The following SPTBN1 variants were observed in gnomAD, a reference collection of about 807,000 sequenced individuals.
The protein encoded by SPTBN1 is spectrin beta chain, non-erythrocytic 1.
In SPTBN1, 32 loss-of-function variants were observed where a neutral mutation model predicts 266.4. That is an observed-to-expected ratio of 0.12 (90% CI 0.09 to 0.16). The LOEUF is 0.16. Among genes scored for constraint, SPTBN1 ranks in the 10% least tolerant of loss-of-function variants. SPTBN1 has a pLI of 1.00. For missense variants in SPTBN1, 2,296 were observed against 3,067.1 expected, an observed-to-expected ratio of 0.75 and a Z score of 5.94; for synonymous variants, 1,336 against 1,162.2, an observed-to-expected ratio of 1.15 and a Z score of -3.04.
intron 2 of SPTBN1, among the ~76,000 whole-genome samples, chr2:54,586,840 T>C (rs1039663591): frequency 2.0e-5 from 3 of 152,222 alleles, no homozygotes; most frequent in Non-Finnish European, 2.9e-5. Flanking sequence ...GTTGGCGACG[T>C]CAGCTTCTGT....
At chr2:54,562,533 C>CTT (rs1553447705) in intron 2 of SPTBN1, among the ~76,000 whole-genome samples, 1 of 126,828 alleles carries the variant, frequency 7.9e-6, no homozygotes, top group Non-Finnish European at 1.6e-5. Flanking sequence ...TTTTCTTTTT[C>CTT]TTTTTTTTTT....
chr2:54,503,039 C>T (rs932704989), intron 1 of SPTBN1, among the ~76,000 whole-genome samples: 1 of 152,194 alleles, frequency 6.6e-6, no homozygotes, highest in African/African-American at 2.4e-5. Flanking sequence ...ATAGTAATCA[C>T]ATTGGATTTT....
In SPTBN1 at chr2:54,558,901, C is replaced by A. The variant is rs749401660; in HGVS notation, c.148+32335C>A. 8 of 1,611,666 alleles carry A rather than the reference C, an allele frequency of 5.0e-6. No homozygotes were observed. The African/African-American group carries it at 1.1e-4, about 22-fold the overall frequency. ...AGCAGCTGCAAGGTAAGCCCCCTCCCAAAGGCCGGGCCTGTCCTGGGTGCC... is the reference window on the plus strand; with the variant it reads ...AGCAGCTGCAAGGTAAGCCCCCTCCAAAAGGCCGGGCCTGTCCTGGGTGCC... On this transcript the variant is annotated intron_variant, in intron 2 of 35. Transcript: ENST00000356805. This position sits in a 1 kb window ranked among gnomAD's most constrained non-coding sequence, Gnocchi z 4.6.
At chr2:54,585,366 G>T (rs1675221462) in intron 2 of SPTBN1, among the ~76,000 whole-genome samples, 1 of 152,184 alleles carries the variant, frequency 6.6e-6, no homozygotes, top group Admixed American at 6.5e-5. Flanking sequence ...TACCCTGCCT[G>T]TTGGCTAGTC....
At position 54,653,523 on chromosome 2, in the gene SPTBN1, G is replaced by A. The variant is rs909010854; in HGVS notation, c.5578-86G>A. Reference sequence around the variant, plus strand: ...ATTTTGACTCTGTGCTCCCTTTAGTGTATGAGCAGAACAGAATAGGGCTTG... The same window carrying A: ...ATTTTGACTCTGTGCTCCCTTTAGTATATGAGCAGAACAGAATAGGGCTTG... On this transcript the variant is annotated intron_variant, in intron 26 of 35. Transcript: ENST00000356805. The surrounding 1 kb of genome is among the most constrained non-coding windows in gnomAD (Gnocchi z 5.1). The A allele has an allele frequency of 1.9e-6, 3 of 1,545,770 alleles. No individual in the cohort carries two copies. Among genetic ancestry groups the A allele is most frequent in the Non-Finnish European group, 2.6e-6 (3 of 1,154,074 alleles).
chr2:54,516,461 A>G (rs1299337691), intron 1 of SPTBN1: 2 of 152,194 alleles, frequency 1.3e-5, no homozygotes, highest in African/African-American at 2.4e-5. Flanking sequence ...TGAAGATATT[A>G]TGATAAAAGC....
At position 54,583,994 on chromosome 2, in the gene SPTBN1, T is replaced by C. The variant is rs1675118410; in HGVS notation, c.149-15098T>C. On this transcript the variant is annotated intron_variant, in intron 2 of 35. Transcript: ENST00000356805. ...AAAACCAGCAGTGTATTCATAGAAA[T>C]ACAGAAGTGGAAATGCCTCCTGTCT... is the stretch of plus-strand genomic sequence containing the variant. Among the ~76,000 whole-genome samples the C allele has an allele frequency of 2.6e-5, 4 of 152,220 alleles. No homozygotes were observed. The South Asian group carries it at 8.3e-4, about 31-fold the overall frequency.
At chr2:54,595,529 C>G (rs1029700923) in intron 2 of SPTBN1, among the ~76,000 whole-genome samples, 2 of 152,280 alleles carry the variant, frequency 1.3e-5, no homozygotes, top group Non-Finnish European at 2.9e-5. Context: ...AAGTGCCCAC[C>G]TCACATCGCC....
In SPTBN1 at chr2:54,634,390, G is replaced by C. The variant is rs1226194500; in HGVS notation, c.3767+1622G>C. 3.3e-5 allele frequency among the ~76,000 whole-genome samples: 5 copies of C among 152,298 alleles called. 1 individual carries two copies. Among genetic ancestry groups the C allele is most frequent in the African/African-American group, 1.2e-4 (5 of 41,554 alleles). On this transcript the variant is annotated intron_variant, in intron 17 of 35. Coordinates refer to ENST00000356805, the MANE Select transcript of SPTBN1 (RefSeq NM_003128.3). ...AAGAGCCTGGGCTACTGGTGTTCCAGAGCTTCCTTAGGATTCCTCAGTTTT... is the reference window on the plus strand; with the variant it reads ...AAGAGCCTGGGCTACTGGTGTTCCACAGCTTCCTTAGGATTCCTCAGTTTT...
chr2:54,635,239 C>T (rs978379733), intron 17 of SPTBN1, among the ~76,000 whole-genome samples: 4 of 152,168 alleles, frequency 2.6e-5, no homozygotes, highest in East Asian at 3.8e-4. Flanking sequence ...TAATTGAATC[C>T]GTGATCCAAC....
intron 17 of SPTBN1, among the ~76,000 whole-genome samples, chr2:54,637,487 G>A (rs1048872514): frequency 6.6e-6 from 1 of 151,994 alleles, no homozygotes; most frequent in Non-Finnish European, 1.5e-5. Context: ...CAGTATGTTC[G>A]GCCTGTTGTG....
At chr2:54,560,301 A>G (rs764218137) in intron 2 of SPTBN1, among the ~76,000 whole-genome samples, 11 of 151,816 alleles carry the variant, frequency 7.2e-5, no homozygotes, top group Non-Finnish European at 1.5e-4. Flanking sequence ...TCATTGTGTC[A>G]TCCCGCCTGG....
At chr2:54,510,989 T>C (rs1366145885) in intron 1 of SPTBN1, among the ~76,000 whole-genome samples, 2 of 152,234 alleles carry the variant, frequency 1.3e-5, no homozygotes, top group African/African-American at 4.8e-5. Flanking sequence ...TGCATTATCC[T>C]GTGACTTTCT....
intron 8 of SPTBN1, among the ~76,000 whole-genome samples, 187 bp from the exon 9 acceptor site, chr2:54,622,113 G>A (rs1225209995): frequency 1.3e-5 from 2 of 152,274 alleles, no homozygotes; most frequent in East Asian, 3.9e-4. Context: ...ATCACAGTCT[G>A]GGCCCCTCTT....
At chr2:54,620,995 T>C (rs1286918542) in intron 7 of SPTBN1, among the ~76,000 whole-genome samples, 1 of 152,070 alleles carries the variant, frequency 6.6e-6, no homozygotes, top group Non-Finnish European at 1.5e-5. Flanking sequence ...CAATAAGGAT[T>C]CCATAAATAA....
intron 30 of SPTBN1, 60 bp from the exon 31 acceptor site, chr2:54,659,094 C>G (rs964803261): frequency 1.3e-6 from 2 of 1,590,372 alleles, no homozygotes; most frequent in African/African-American, 1.3e-5. Flanking sequence ...TTCCTAGAAC[C>G]TTTTTCTGAA....
chr2:54,661,693 A>G lies in SPTBN1; in HGVS notation c.6420+1694A>G, dbSNP rs963644392. ...ATGTGTGTTTGTGGCTCCAAGTTAC[A>G]TTTTGTGTTTCATTGATCTATATGT... On this transcript the variant is annotated intron_variant, in intron 32 of 35. Coordinates refer to ENST00000356805, the MANE Select transcript of SPTBN1 (RefSeq NM_003128.3). 3.5e-5 allele frequency: 34 copies of G among 982,908 alleles called. 1 individual carries two copies. Among genetic ancestry groups the G allele is most frequent in the Middle Eastern group, 1.1e-3 (2 of 1,904 alleles). The allele number at this position is 982,908 out of a possible 1,614,324, so 60.9% of individuals were successfully genotyped here.
intron 2 of SPTBN1, among the ~76,000 whole-genome samples, chr2:54,560,250 A>G (rs1673201653): frequency 6.6e-6 from 1 of 151,844 alleles, no homozygotes; most frequent in Non-Finnish European, 1.5e-5. Context: ...CGGAGAATCC[A>G]CTGCGTGCTC....
At chr2:54,625,450 G>T (rs1284104912) in intron 11 of SPTBN1, among the ~76,000 whole-genome samples, 1 of 152,014 alleles carries the variant, frequency 6.6e-6, no homozygotes, top group Non-Finnish European at 1.5e-5. Context: ...TAAGCTCAAG[G>T]CAGAGACCAG....
Sources: allele counts gnomAD v4.1 joint callset (sites outside exome capture counted in the v4.1 genomes callset), GRCh38; gene constraint gnomAD v4.1.1; non-coding constraint Gnocchi (gnomAD v3.1); transcripts MANE v1.5; gene names NCBI Gene and HGNC (gene_info 2026-07-23, HGNC 2026-07-21).